SPATA7: variants seen among roughly 807,000 people sequenced by gnomAD.
SPATA7 encodes the protein spermatogenesis associated 7, also known as spermatogenesis-associated protein 7.
Under a neutral mutation model 51.8 loss-of-function variants are expected in SPATA7, and 43 were observed. That is an observed-to-expected ratio of 0.83 (90% confidence interval 0.65 to 1.07). The LOEUF is 1.07. Ranked by LOEUF, SPATA7 falls within the 50% of genes least tolerant of loss-of-function variation. The pLI, the probability that SPATA7 is intolerant of heterozygous loss-of-function variation, is 0.00. For missense variants in SPATA7, 683 were observed against 701.3 expected, an observed-to-expected ratio of 0.97 and a Z score of 0.30; for synonymous variants, 230 against 252.8, an observed-to-expected ratio of 0.91 and a Z score of 0.86.
intron 1 of SPATA7, among the ~76,000 whole-genome samples, chr14:88,387,244 G>A (rs2075606238): frequency 6.6e-6 from 1 of 152,144 alleles, no homozygotes; most frequent in Non-Finnish European, 1.5e-5. Flanking sequence ...GAGTATGGTA[G>A]ATTTAGTAAG....
chr14:88,392,826 TTGAA>T (rs1374897213), intron 2 of SPATA7, among the ~76,000 whole-genome samples: 1 of 150,906 alleles, frequency 6.6e-6, no homozygotes, highest in Non-Finnish European at 1.5e-5. Flanking sequence ...TTTAAACAGT[TTGAA>T]TGAGGACCAA....
chr14:88,421,099 C>T (rs111305535), intron 5 of SPATA7, among the ~76,000 whole-genome samples: 5,319 of 151,488 alleles, frequency 0.035, 297 homozygotes, highest in African/African-American at 0.12. Context: ...GGTGACAGAG[C>T]GAAACTCCGT....
intron 4 of SPATA7, chr14:88,468,830 C>CA (rs1460761525): frequency 1.3e-6 from 2 of 1,555,576 alleles, no homozygotes; most frequent in East Asian, 2.2e-5. Context: ...GAAATGTGCG[C>CA]AAAAAGAGCT....
chr14:88,402,309 G>A (rs1018785854), intron 4 of SPATA7, among the ~76,000 whole-genome samples: 3 of 151,792 alleles, frequency 2.0e-5, no homozygotes, highest in Non-Finnish European at 4.4e-5. Context: ...TAAAATTCAT[G>A]TGGGACCACA....
Position 88,426,463 on chromosome 14 carries a change from A to T in SPATA7, c.604A>T (p.Arg202Trp). The T allele has an allele frequency of 6.2e-7, 1 of 1,614,208 alleles. No homozygotes were observed. The highest frequency in any genetic ancestry group is 1.1e-5 in the South Asian group (1 of 91,084). ...KLSSGALYGR[R>W]PRSTFPNSHR... ...GAGCTCTGGAGCCCTGTATGGCAGA[A>T]GGCCCAGAAGCACATTCCCAAATTC... Residue 202 changes from arginine (R) to tryptophan (W), a missense_variant, in exon 6 of 12, where the codon AGG (arginine) becomes TGG (tryptophan). Arg to Trp is a moderately radical substitution (Grantham distance 101). Coordinates refer to ENST00000393545, the MANE Select transcript of SPATA7 (RefSeq NM_018418.5).
In SPATA7 at chr14:88,432,951, T is replaced by C. The variant is rs2076980405; in HGVS notation, c.1083-184T>C. On this transcript the variant is annotated intron_variant, in intron 9 of 11. Coordinates refer to ENST00000393545, the MANE Select transcript of SPATA7 (RefSeq NM_018418.5). ...ATTAGGTCATCACCTTTAGTAAATA[T>C]TTATCCTTGCATAATTTGAGAAGGT... 1.0e-5 allele frequency: 6 copies of C among 576,784 alleles called. 1 individual carries two copies. The highest frequency in any genetic ancestry group is 9.1e-4 in the Middle Eastern group (2 of 2,206). The allele number at this position is 576,784 out of a possible 1,614,324, so 35.7% of individuals were successfully genotyped here.
chr14:88,463,745 C>CT (rs571341493), intron 4 of SPATA7, among the ~76,000 whole-genome samples: 247 of 152,310 alleles, frequency 1.6e-3, no homozygotes, highest in Middle Eastern at 3.4e-3. Context: ...TATGCCACCA[C>CT]TTTAACAATC....
At chr14:88,405,304 G>A (rs1165106364) in intron 4 of SPATA7, among the ~76,000 whole-genome samples, 1 of 152,184 alleles carries the variant, frequency 6.6e-6, no homozygotes, top group Non-Finnish European at 1.5e-5. Context: ...CAAAGACTTT[G>A]GCCTTCACTC....
intron 7 of SPATA7, 41 bp downstream of exon 7, chr14:88,427,737 TA>T: frequency 7.2e-7 from 1 of 1,379,432 alleles, no homozygotes; most frequent in Non-Finnish European, 1.0e-6. Context: ...ACATTTGAAT[TA>T]CAGATGTTTT....
chr14:88,432,411 A>G (rs2076966121), intron 9 of SPATA7, among the ~76,000 whole-genome samples: 1 of 152,166 alleles, frequency 6.6e-6, no homozygotes, highest in African/African-American at 2.4e-5. Flanking sequence ...CTTGCTACTT[A>G]CATTTGGTAT....
Position 88,438,103 on chromosome 14 carries a change from C to T in SPATA7, c.1481C>T (p.Pro494Leu), listed in dbSNP as rs2077141876. 1 of 1,613,922 alleles carries T rather than the reference C, an allele frequency of 6.2e-7. No homozygotes were observed. The highest frequency in any genetic ancestry group is 1.3e-5 in the African/African-American group (1 of 74,906). Residue 494 changes from proline (P) to leucine (L), a missense_variant, in exon 12 of 12, where the codon CCT becomes CTT. Pro to Leu is a moderately conservative substitution (Grantham distance 98). Coordinates refer to ENST00000393545, the MANE Select transcript of SPATA7 (RefSeq NM_018418.5). ...CCTTCACCAACTGAATTTTTCATGC[C>T]TATTTATAAATCAAAGCATTCAGAA... Reference protein sequence around the residue: ...IFPSPTEFFMPIYKSKHSEGV... With the variant: ...IFPSPTEFFMLIYKSKHSEGV...
chr14:88,427,050 T>C (rs2076813438), intron 6 of SPATA7, among the ~76,000 whole-genome samples: 1 of 152,206 alleles, frequency 6.6e-6, no homozygotes, highest in Non-Finnish European at 1.5e-5. Context: ...TGATTCATGT[T>C]AAAAGTGGCG....
At chr14:88,391,804 G>A (rs1036619257) in intron 2 of SPATA7, 6 of 282,200 alleles carry the variant, frequency 2.1e-5, no homozygotes, top group African/African-American at 4.5e-5. Context: ...AGGAAAAGCT[G>A]TGCAGAGAAA....
At chr14:88,414,884 A>T (rs1404887161) in intron 4 of SPATA7, among the ~76,000 whole-genome samples, 3 of 151,720 alleles carry the variant, frequency 2.0e-5, no homozygotes, top group Non-Finnish European at 4.4e-5. Context: ...CTTGGTATTG[A>T]TTTCTACCTT....
intron 7 of SPATA7, 69 bp downstream of exon 7, chr14:88,427,765 G>A (rs952036770): frequency 1.0e-5 from 11 of 1,102,398 alleles, no homozygotes; most frequent in African/African-American, 3.1e-5. Context: ...AATAGAATAT[G>A]TACAGCTATT....
chr14:88,418,665 A>G (rs1189451963), intron 5 of SPATA7, among the ~76,000 whole-genome samples: 5 of 151,860 alleles, frequency 3.3e-5, no homozygotes, highest in South Asian at 4.2e-4. Flanking sequence ...AGTAGAGTCT[A>G]GTTTCACCAT....
At chr14:88,421,896 C>T (rs1168280466) in intron 5 of SPATA7, among the ~76,000 whole-genome samples, 1 of 146,542 alleles carries the variant, frequency 6.8e-6, no homozygotes, top group Non-Finnish European at 1.5e-5. Context: ...TGCAGTGAGC[C>T]AAGATTGTGC....
intron 4 of SPATA7, 57 bp downstream of exon 4, chr14:88,396,260 T>C: frequency 7.9e-7 from 1 of 1,258,270 alleles, no homozygotes; most frequent in Non-Finnish European, 1.2e-6. Context: ...TAAATATACA[T>C]AACATAAAAT....
intron 1 of SPATA7, 64 bp downstream of exon 1, chr14:88,385,901 T>C (rs1287061922): frequency 5.8e-6 from 9 of 1,557,004 alleles, no homozygotes; most frequent in Non-Finnish European, 7.8e-6. Context: ...GCTCCCAGCC[T>C]CGGGTCCGGG....
Sources: allele counts gnomAD v4.1 joint callset (sites outside exome capture counted in the v4.1 genomes callset), GRCh38; gene constraint gnomAD v4.1.1; transcripts MANE v1.5; gene names NCBI Gene and HGNC (gene_info 2026-07-23, HGNC 2026-07-21).